Variants in DLGAP2 observed in about 807,000 individuals in gnomAD.
DLGAP2 encodes the protein disks large-associated protein 2.
Under a neutral mutation model 100.3 loss-of-function variants are expected in DLGAP2, and 26 were observed. The observed-to-expected ratio is 0.26, with a 90% CI of 0.19 to 0.36. DLGAP2 has a LOEUF of 0.36. Among genes scored for constraint, DLGAP2 ranks in the 10% least tolerant of loss-of-function variants. The pLI is 1.00. For missense variants in DLGAP2, 1,858 were observed against 1,453.2 expected, an observed-to-expected ratio of 1.28 and a Z score of -4.53; for synonymous variants, 886 against 630.1, an observed-to-expected ratio of 1.41 and a Z score of -6.08.
At chr8:1,046,271 A>G (rs1190255372) in intron 2 of DLGAP2, among the ~76,000 whole-genome samples, 1 of 152,238 alleles carries the variant, frequency 6.6e-6, no homozygotes, top group Non-Finnish European at 1.5e-5. Context: ...ATGCCATAGG[A>G]CATTTGCTCT....
At chr8:1,051,121 C>G (rs1802674195) in intron 2 of DLGAP2, among the ~76,000 whole-genome samples, 1 of 151,000 alleles carries the variant, frequency 6.6e-6, no homozygotes. Context: ...TGGGGTCATT[C>G]CATGATGGCC....
chr8:998,969 A>G (rs1287579972), intron 2 of DLGAP2, among the ~76,000 whole-genome samples: 1 of 152,136 alleles, frequency 6.6e-6, no homozygotes, highest in Non-Finnish European at 1.5e-5. Flanking sequence ...GGCTGGTTGT[A>G]GCATGCTTGG....
intron 3 of DLGAP2, among the ~76,000 whole-genome samples, chr8:1,266,458 C>T (rs929608052): frequency 1.3e-5 from 2 of 152,130 alleles, no homozygotes; most frequent in Admixed American, 6.5e-5. Context: ...TCCCCATCAA[C>T]CTGCTCTTTA....
intron 4 of DLGAP2, among the ~76,000 whole-genome samples, chr8:1,502,313 G>A (rs980803498): frequency 2.0e-5 from 3 of 152,184 alleles, no homozygotes; most frequent in Admixed American, 6.5e-5. Context: ...TTTTAAAAAC[G>A]TATTTCAGAC....
chr8:848,108 G>A (rs776923723), intron 1 of DLGAP2, among the ~76,000 whole-genome samples: 5 of 152,124 alleles, frequency 3.3e-5, no homozygotes, highest in African/African-American at 4.8e-5. Context: ...TCTGTCTGTC[G>A]TGTTTCCTTT....
chr8:1,023,614 C>G (rs1194060966), intron 2 of DLGAP2, among the ~76,000 whole-genome samples: 1 of 150,904 alleles, frequency 6.6e-6, no homozygotes, highest in Non-Finnish European at 1.5e-5. Context: ...CCCGTTTGTT[C>G]CTGCTCAGGA....
chr8:951,408 C>T (rs551365808), intron 2 of DLGAP2, among the ~76,000 whole-genome samples: 2 of 152,218 alleles, frequency 1.3e-5, no homozygotes, highest in East Asian at 3.9e-4. Context: ...CCACACCTGG[C>T]TATTTTTTTG....
At chr8:1,679,143 A>C (rs1304492189) in intron 12 of DLGAP2, 1 of 151,648 alleles carries the variant, frequency 6.6e-6, no homozygotes, top group Admixed American at 6.6e-5. Flanking sequence ...TACCAGAGTC[A>C]CCACCAAAGG....
chr8:812,550 A>G (rs1184353163), intron 1 of DLGAP2, among the ~76,000 whole-genome samples: 1 of 152,216 alleles, frequency 6.6e-6, no homozygotes, highest in Admixed American at 6.5e-5. Flanking sequence ...GTGTCATTAG[A>G]GAAGGTAGTT....
At chr8:1,602,311 T>C (rs1224385217) in intron 6 of DLGAP2, among the ~76,000 whole-genome samples, 1 of 152,256 alleles carries the variant, frequency 6.6e-6, no homozygotes, top group Non-Finnish European at 1.5e-5. Flanking sequence ...CTGTTTCTAA[T>C]TAATGGTGTG....
At chr8:1,693,396 T>G (rs1383046494) in intron 13 of DLGAP2, among the ~76,000 whole-genome samples, 1 of 151,730 alleles carries the variant, frequency 6.6e-6, no homozygotes, top group Non-Finnish European at 1.5e-5. Context: ...ACATGTATAC[T>G]TTTCCTTGGC....
At chr8:1,138,386 G>A (rs1292562907) in intron 2 of DLGAP2, among the ~76,000 whole-genome samples, 3 of 152,198 alleles carry the variant, frequency 2.0e-5, no homozygotes, top group Non-Finnish European at 1.5e-5. Context: ...CCCCCACTGC[G>A]AGGGATTTCT....
At chr8:1,362,475 G>A (rs1411595578) in intron 3 of DLGAP2, among the ~76,000 whole-genome samples, 2 of 152,074 alleles carry the variant, frequency 1.3e-5, no homozygotes, top group East Asian at 1.9e-4. Context: ...AGCCTCCGGC[G>A]GGGACACCCG....
intron 2 of DLGAP2, among the ~76,000 whole-genome samples, chr8:1,080,026 G>A (rs1347336974): frequency 6.6e-6 from 1 of 152,204 alleles, no homozygotes; most frequent in Non-Finnish European, 1.5e-5. Context: ...TTCTGAAAGA[G>A]GAGTGGGTTA....
chr8:1,505,001 AAAAG>A lies in DLGAP2; in HGVS notation c.172+3575_172+3578del, dbSNP rs1321249743. Among the ~76,000 whole-genome samples, 8 of 152,232 alleles carry A rather than the reference AAAAG, an allele frequency of 5.3e-5. No individual in the cohort carries two copies. In the South Asian group the frequency reaches 6.2e-4, roughly 12 times the overall value. ...ATTAAGAGAAAAAGCAAAAAACACA[AAAAG>A]AAAGGAAGGAAGAAGGAAGGAAAGA... On this transcript the variant is annotated intron_variant, in intron 4 of 14. Coordinates refer to ENST00000637795, the MANE Select transcript of DLGAP2 (RefSeq NM_001346810.2).
chr8:865,509 G>A (rs540334077), intron 1 of DLGAP2, among the ~76,000 whole-genome samples: 12 of 152,272 alleles, frequency 7.9e-5, no homozygotes, highest in African/African-American at 2.9e-4. Context: ...CCGGGGCTGA[G>A]TTTACTTTGT....
At chr8:798,937 A>G (rs1796092762) in intron 1 of DLGAP2, among the ~76,000 whole-genome samples, 1 of 152,246 alleles carries the variant, frequency 6.6e-6, no homozygotes, top group Admixed American at 6.5e-5. Context: ...GCTTGTTGAG[A>G]GCCTTCCCAC....
intron 1 of DLGAP2, among the ~76,000 whole-genome samples, chr8:859,381 G>A (rs2128989486): frequency 6.6e-6 from 1 of 152,262 alleles, no homozygotes; most frequent in African/African-American, 2.4e-5. Flanking sequence ...CAAAGGGCTG[G>A]GATTACAGGT....
chr8:1,168,982 C>T (rs1797072895), intron 2 of DLGAP2, among the ~76,000 whole-genome samples: 2 of 147,072 alleles, frequency 1.4e-5, no homozygotes, highest in Non-Finnish European at 1.5e-5. Flanking sequence ...ATGGTATTGC[C>T]TAGGTTTTCT....
Sources: allele counts gnomAD v4.1 joint callset (sites outside exome capture counted in the v4.1 genomes callset), GRCh38; gene constraint gnomAD v4.1.1; transcripts MANE v1.5; gene names NCBI Gene and HGNC (gene_info 2026-07-23, HGNC 2026-07-21).